PABPC1L: variants seen among roughly 807,000 people sequenced by gnomAD.
The protein encoded by PABPC1L is polyadenylate-binding protein 1-like.
PABPC1L carries 31 observed loss-of-function variants against 66.6 expected under a neutral mutation model. The observed-to-expected ratio is 0.47, with a 90% CI of 0.35 to 0.63. The LOEUF is 0.63. Ranked by LOEUF, PABPC1L falls within the 20% of genes least tolerant of loss-of-function variation. The probability of loss-of-function intolerance (pLI) is 0.00; values close to 1 mark genes in which losing one functional copy is unlikely to be tolerated. For missense variants in PABPC1L, 722 were observed against 848.8 expected (o/e 0.85, Z 1.86); for synonymous variants, 348 against 335.1 (o/e 1.04, Z -0.42).
intron 2 of PABPC1L, among the ~76,000 whole-genome samples, chr20:44,915,662 G>A (rs554454244): frequency 6.6e-6 from 1 of 152,062 alleles, no homozygotes; most frequent in Admixed American, 6.6e-5. Context: ...AGCCAGGCAT[G>A]GTGGCATGCA....
intron 7 of PABPC1L, among the ~76,000 whole-genome samples, chr20:44,929,681 T>G (rs555256397): frequency 1.5e-3 from 222 of 151,500 alleles, no homozygotes; most frequent in African/African-American, 5.3e-3. Flanking sequence ...TGTAGTCCCA[T>G]CTACCCAGGA....
At chr20:44,913,523 C>T (rs891258646) in intron 2 of PABPC1L, among the ~76,000 whole-genome samples, 7 of 151,916 alleles carry the variant, frequency 4.6e-5, no homozygotes, top group Non-Finnish European at 1.0e-4. Context: ...TGAGTTCAAA[C>T]GATTCTCCTG....
rs750741468 is a variant in PABPC1L, at chr20:44,935,511, A to G, written c.1566+14A>G. The G allele has an allele frequency of 3.1e-6, 5 of 1,611,354 alleles. No individual in the cohort carries two copies. The East Asian group carries it at 1.1e-4, about 36-fold the overall frequency. ...AGCACCTATCGGGTAAGGCCAGCCC[A>G]GCTGCCTGCTCTTAGCCTGGGCTCC... On this transcript the variant is annotated intron_variant, in intron 11 of 14. Transcript: ENST00000217073.
At chr20:44,924,061 C>A in intron 6 of PABPC1L, 100 bp from the exon 7 acceptor site, 3 of 937,070 alleles carry the variant, frequency 3.2e-6, no homozygotes, top group Non-Finnish European at 5.2e-6. Flanking sequence ...GCTGGTGGGG[C>A]TCCCCATGCC....
intron 1 of PABPC1L, among the ~76,000 whole-genome samples, chr20:44,911,652 C>T (rs867241724): frequency 5.3e-5 from 8 of 152,124 alleles, no homozygotes; most frequent in South Asian, 2.1e-4. Flanking sequence ...GGGGTTGTTC[C>T]GCCGGGCCTG....
Position 44,932,353 on chromosome 20 carries a change from G to A in PABPC1L, c.1251G>A (p.Gln417=). The A allele has an allele frequency of 6.2e-7, 1 of 1,613,176 alleles. No individual in the cohort carries two copies. Among genetic ancestry groups the A allele is most frequent in the Non-Finnish European group, 8.5e-7 (1 of 1,179,418 alleles). ...CTTTTCCCATGCAGCCTCCAGCCCA[G>A]GCTGCATACTATGGCTGTGGCCCAG... ...FLPAMPQPPA[Q]AAYYGCGPVT... is the part of the protein sequence containing the mutation. Residue 417 remains glutamine (Q), a synonymous_variant, in exon 9 of 15, where the codon CAG becomes CAA. Coordinates refer to ENST00000217073, the MANE Select transcript of PABPC1L (RefSeq NM_001372179.1).
intron 8 of PABPC1L, chr20:44,931,761 G>C (rs1442723173): frequency 6.6e-6 from 1 of 152,210 alleles, no homozygotes; most frequent in Non-Finnish European, 1.5e-5. Context: ...CTCCTAAAGT[G>C]CTGGGATTAC....
intron 1 of PABPC1L, among the ~76,000 whole-genome samples, chr20:44,911,731 C>T (rs1207361365): frequency 6.6e-6 from 1 of 152,188 alleles, no homozygotes; most frequent in Non-Finnish European, 1.5e-5. Flanking sequence ...CCACCTCCTG[C>T]CTCTTCCCAT....
At chr20:44,936,018 G>C (rs1390304715) in intron 11 of PABPC1L, among the ~76,000 whole-genome samples, 1 of 152,074 alleles carries the variant, frequency 6.6e-6, no homozygotes, top group African/African-American at 2.4e-5. Flanking sequence ...CAGCACCCAG[G>C]TTAGAGTGCA....
At chr20:44,913,433 A>G (rs1343554255) in intron 2 of PABPC1L, among the ~76,000 whole-genome samples, 1 of 151,250 alleles carries the variant, frequency 6.6e-6, no homozygotes, top group African/African-American at 2.4e-5. Flanking sequence ...TTTAATTGAG[A>G]TGCAGTCTTA....
At chr20:44,938,605 G>C in intron 13 of PABPC1L, 69 bp from the exon 14 acceptor site, 1 of 1,524,822 alleles carries the variant, frequency 6.6e-7, no homozygotes, top group Non-Finnish European at 8.9e-7. Context: ...GAGCGAGGGG[G>C]AGATCAAGGC....
chr20:44,927,620 A>T (rs184374094), intron 7 of PABPC1L, among the ~76,000 whole-genome samples: 1,830 of 152,288 alleles, frequency 0.012, 31 homozygotes, highest in African/African-American at 0.039. Flanking sequence ...AAGTGCTAGG[A>T]TTACAGGCGT....
chr20:44,918,316 C>T (rs1344349825), intron 3 of PABPC1L, among the ~76,000 whole-genome samples: 2 of 152,058 alleles, frequency 1.3e-5, no homozygotes, highest in East Asian at 1.9e-4. Flanking sequence ...GGCGATAGAG[C>T]GAAACTCAGT....
intron 2 of PABPC1L, among the ~76,000 whole-genome samples, chr20:44,915,536 G>A (rs1237625510): frequency 6.6e-6 from 1 of 152,182 alleles, no homozygotes. Context: ...AGTGGCTCAT[G>A]CTCCTAATCC....
chr20:44,925,124 A>G (rs1393082461), intron 7 of PABPC1L, among the ~76,000 whole-genome samples: 1 of 150,224 alleles, frequency 6.7e-6, no homozygotes, highest in Non-Finnish European at 1.5e-5. Context: ...GAGGCAGGAG[A>G]ATGGCATGAA....
rs2145560935 is a variant in PABPC1L, at chr20:44,919,288, C to T, written c.738+11C>T. The T allele has an allele frequency of 1.9e-6, 3 of 1,613,634 alleles. No individual in the cohort carries two copies. Among genetic ancestry groups the T allele is most frequent in the East Asian group, 2.2e-5 (1 of 44,862 alleles). ...GAGGAAGCCCAGAAGGTAGGAGCCT[C>T]CCCATGGCTCTGTTCTGCAGCAGGG... On this transcript the variant is annotated intron_variant, in intron 5 of 14. Transcript: ENST00000217073.
At chr20:44,930,765 C>G (rs546909368) in intron 8 of PABPC1L, 39 bp downstream of exon 8, 7 of 1,595,972 alleles carry the variant, frequency 4.4e-6, no homozygotes, top group South Asian at 3.4e-5. Context: ...AGCCTTCCCC[C>G]CTGCCCCAGC....
At chr20:44,929,685 C>G (rs889344703) in intron 7 of PABPC1L, among the ~76,000 whole-genome samples, 5 of 151,772 alleles carry the variant, frequency 3.3e-5, no homozygotes, top group Admixed American at 2.6e-4. Context: ...GTCCCATCTA[C>G]CCAGGAGGCT....
At chr20:44,910,461 A>T in intron 1 of PABPC1L, 125 bp downstream of exon 1, 2 of 1,142,318 alleles carry the variant, frequency 1.8e-6, no homozygotes, top group Non-Finnish European at 2.4e-6. Context: ...TGAGGCTCAA[A>T]GATAACAGGG....
Sources: allele counts gnomAD v4.1 joint callset (sites outside exome capture counted in the v4.1 genomes callset), GRCh38; gene constraint gnomAD v4.1.1; transcripts MANE v1.5; gene names NCBI Gene and HGNC (gene_info 2026-07-23, HGNC 2026-07-21).